Variants in NICN1 observed in about 807,000 individuals in gnomAD.
NICN1 encodes the protein nicolin 1, tubulin polyglutamylase complex subunit.
NICN1 carries 18 observed loss-of-function variants against 26.3 expected under a neutral mutation model. That is an observed-to-expected ratio of 0.68 (90% CI 0.47 to 1.01). The LOEUF (loss-of-function observed/expected upper bound fraction) is 1.01. Ranked by LOEUF, NICN1 falls within the 50% of genes least tolerant of loss-of-function variation. NICN1 has a pLI of 0.00. For missense variants in NICN1, 239 were observed against 278.3 expected (o/e 0.86, Z 1.00); for synonymous variants, 109 against 111.0 (o/e 0.98, Z 0.11).
chr3:49,425,446 G>A lies in NICN1; in HGVS notation c.424-8C>T. The A allele has an allele frequency of 2.5e-6, 4 of 1,607,262 alleles. No individual in the cohort carries two copies. Among genetic ancestry groups the A allele is most frequent in the Non-Finnish European group, 3.4e-6 (4 of 1,176,990 alleles). ...AAAGGTCACGGAGGGGCTCTGCAAA[G>A]CAAAGATGTACTGCCCTGAGTGAGA... On this transcript the variant is annotated splice_polypyrimidine_tract_variant and splice_region_variant and intron_variant, in intron 3 of 5. Transcript: ENST00000273598.
intron 1 of NICN1, among the ~76,000 whole-genome samples, chr3:49,428,862 C>G (rs1192619217): frequency 2.0e-5 from 3 of 152,144 alleles, no homozygotes; most frequent in African/African-American, 7.2e-5. Context: ...CTAGCCCACT[C>G]TCGCCACCTG....
chr3:49,426,050 TC>T lies in NICN1; in HGVS notation c.310-55del, dbSNP rs1185305287. 3.1e-6 allele frequency: 4 copies of T among 1,294,250 alleles called. No individual in the cohort carries two copies. The Admixed American group carries it at 7.5e-5, about 24-fold the overall frequency. The allele number at this position is 1,294,250 out of a possible 1,614,324, so 80.2% of individuals were successfully genotyped here. ...GGATCCAGCTCACTGCCCAGAAGCC[TC>T]CCAACCAGCAATGAGCCAGAATGCT... On this transcript the variant is annotated intron_variant, in intron 2 of 5. Transcript: ENST00000273598.
At chr3:49,424,901 G>C in intron 5 of NICN1, 27 bp from the exon 6 acceptor site, 2 of 1,612,874 alleles carry the variant, frequency 1.2e-6, no homozygotes, top group Non-Finnish European at 1.7e-6. Context: ...CATCAGGTCT[G>C]ATCTGCTCAG....
chr3:49,428,720 C>CA (rs1186104146), intron 1 of NICN1, among the ~76,000 whole-genome samples: 1,993 of 60,388 alleles, frequency 0.033, 28 homozygotes, highest in Middle Eastern at 0.054. Context: ...AACTCCGTCT[C>CA]AAAAAAAAAA....
At position 49,424,680 on chromosome 3, in the gene NICN1, C is replaced by G. The variant is rs2049156261; in HGVS notation, c.*153G>C. Reference sequence around the variant, plus strand: ...GCTCATGCTGAAGTAACACGGTAAGCCCCTGAGAATCCTGAATCTGTGAAT... The same window carrying G: ...GCTCATGCTGAAGTAACACGGTAAGGCCCTGAGAATCCTGAATCTGTGAAT... On this transcript the variant is annotated 3_prime_UTR_variant, in exon 6 of 6. Transcript: ENST00000273598. 1.4e-6 allele frequency: 1 copy of G among 699,278 alleles called. No homozygotes were observed. Among genetic ancestry groups the G allele is most frequent in the Non-Finnish European group, 2.6e-6 (1 of 387,216 alleles). The allele number at this position is 699,278 out of a possible 1,614,324, so 43.3% of individuals were successfully genotyped here.
intron 1 of NICN1, among the ~76,000 whole-genome samples, chr3:49,427,866 A>G (rs1252142085): frequency 6.6e-6 from 1 of 152,086 alleles, no homozygotes; most frequent in Non-Finnish European, 1.5e-5. Flanking sequence ...AGGATTTCCA[A>G]GGTTGGGCTC....
rs1282582952 is a variant in NICN1, at chr3:49,424,506, G to A, written c.*327C>T. The A allele has an allele frequency of 4.0e-6, 2 of 503,902 alleles. No individual in the cohort carries two copies. The highest frequency in any genetic ancestry group is 3.3e-5 in the Admixed American group (1 of 30,148). The allele number at this position is 503,902 out of a possible 1,614,324, so 31.2% of individuals were successfully genotyped here. A position where few individuals can be genotyped will look rare whatever the true frequency, so the allele number is the denominator to read the frequency against. ...CCAGCCCAACTGCACTGACATGAGG[G>A]AGCAGGCAGAAGACAGGAATGTGCA... On this transcript the variant is annotated 3_prime_UTR_variant, in exon 6 of 6. Transcript: ENST00000273598.
intron 4 of NICN1, 96 bp from the exon 5 acceptor site, chr3:49,425,149 G>A (rs918074657): frequency 2.8e-5 from 28 of 1,006,018 alleles, no homozygotes; most frequent in Non-Finnish European, 3.9e-5. Context: ...CCCTCCAGCT[G>A]AGACCAACAA....
At chr3:49,426,521 C>A in intron 1 of NICN1, 93 bp from the exon 2 acceptor site, 1 of 923,376 alleles carries the variant, frequency 1.1e-6, no homozygotes, top group East Asian at 2.5e-5. Flanking sequence ...TCCTTCTCCC[C>A]ACCTTTTCTT....
Position 49,425,065 on chromosome 3 carries a change from G to T in NICN1, c.496-12C>A, listed in dbSNP as rs776146720. 2 of 1,608,480 alleles carry T rather than the reference G, an allele frequency of 1.2e-6. No homozygotes were observed. Among genetic ancestry groups the T allele is most frequent in the Non-Finnish European group, 1.7e-6 (2 of 1,175,108 alleles). On this transcript the variant is annotated splice_polypyrimidine_tract_variant and intron_variant, in intron 4 of 5. Coordinates refer to ENST00000273598, the MANE Select transcript of NICN1 (RefSeq NM_032316.3). ...GGGTCTGGGAGACCCTGCTCCAGAA[G>T]GAGGGGTCAGTGGCCATGGGTCTCT...
Position 49,426,446 on chromosome 3 carries a change from C to A in NICN1, c.133-18G>T. 6.2e-7 allele frequency: 1 copy of A among 1,611,132 alleles called. No individual in the cohort carries two copies. The highest frequency in any genetic ancestry group is 1.1e-5 in the South Asian group (1 of 90,848). On this transcript the variant is annotated intron_variant, in intron 1 of 5. Transcript: ENST00000273598. ...TCCTGCAACTAGAACACATACAACCCATTACAACAAGTCAGACCCAGGCCC... is the reference window on the plus strand; with the variant it reads ...TCCTGCAACTAGAACACATACAACCAATTACAACAAGTCAGACCCAGGCCC...
chr3:49,427,506 G>A (rs1274796316), intron 1 of NICN1, among the ~76,000 whole-genome samples: 1 of 151,262 alleles, frequency 6.6e-6, no homozygotes, highest in Non-Finnish European at 1.5e-5. Context: ...AGCTGAGCGT[G>A]GTGGCGCATG....
At chr3:49,427,087 C>T (rs367937672) in intron 1 of NICN1, among the ~76,000 whole-genome samples, 25 of 151,866 alleles carry the variant, frequency 1.6e-4, no homozygotes, top group East Asian at 9.7e-4. Context: ...TTTCGGAGGC[C>T]GAGGCGGGCG....
In NICN1 at chr3:49,426,295, CTG is replaced by C. The variant is rs2049169501; in HGVS notation, c.264_265del (p.His88GlnfsTer2). The C allele has an allele frequency of 6.2e-7, 1 of 1,614,252 alleles. No individual in the cohort carries two copies. Among genetic ancestry groups the C allele is most frequent in the Non-Finnish European group, 8.5e-7 (1 of 1,180,054 alleles). ...TACATACTCCTGGGCTCCCTCCTCA[CTG>C]TGTGGGTCAGGCATTAGGCAGTAGT... is the stretch of plus-strand genomic sequence containing the variant. On this transcript the variant is annotated frameshift_variant, in exon 2 of 6. Transcript: ENST00000273598. LOFTEE classifies it high-confidence loss of function.
rs1001144470 is a variant in NICN1, at chr3:49,422,591, A to T, written c.*2242T>A. 1 of 916,656 alleles carries T rather than the reference A, an allele frequency of 1.1e-6. No individual in the cohort carries two copies. The highest frequency in any genetic ancestry group is 2.6e-5 in the East Asian group (1 of 38,084). The allele number at this position is 916,656 out of a possible 1,614,324, so 56.8% of individuals were successfully genotyped here. A position where few individuals can be genotyped will look rare whatever the true frequency, so the allele number is the denominator to read the frequency against. The stretch of plus-strand genomic sequence containing the variant: ...AGGGGGCGTGGGCAGCCCCAAGGGC[A>T]GGCTGGGATTTAGAGCAGAGAATGC... On this transcript the variant is annotated 3_prime_UTR_variant, in exon 6 of 6. Transcript: ENST00000273598.
At position 49,429,095 on chromosome 3, in the gene NICN1, C is replaced by G. The variant is rs772287234; in HGVS notation, c.132+13G>C. On this transcript the variant is annotated intron_variant, in intron 1 of 5. Transcript: ENST00000273598. ...GCCCGGGAGCCTCGGTCGCGCCCAC[C>G]AGGCTTGCTCACCTCGAAGGGAGCG... 1 of 1,589,710 alleles carries G rather than the reference C, an allele frequency of 6.3e-7. No individual in the cohort carries two copies. Among genetic ancestry groups the G allele is most frequent in the Non-Finnish European group, 8.6e-7 (1 of 1,167,734 alleles).
Position 49,424,616 on chromosome 3 carries a change from GT to G in NICN1, c.*216del, listed in dbSNP as rs2049155659. 3 of 607,920 alleles carry G rather than the reference GT, an allele frequency of 4.9e-6. No homozygotes were observed. Among genetic ancestry groups the G allele is most frequent in the African/African-American group, 3.7e-5 (2 of 54,128 alleles). 37.7% of individuals were successfully genotyped at this position (607,920 alleles called of 1,614,324 possible). ...GTTTTTGGGTAGAAGGAAGAATTGAGTTGCAGCCAGGCGAAGACAGAGCACC... is the reference window on the plus strand; with the variant it reads ...GTTTTTGGGTAGAAGGAAGAATTGAGTGCAGCCAGGCGAAGACAGAGCACC... On this transcript the variant is annotated 3_prime_UTR_variant, in exon 6 of 6. Coordinates refer to ENST00000273598, the MANE Select transcript of NICN1 (RefSeq NM_032316.3).
At chr3:49,427,434 A>G (rs2049182999) in intron 1 of NICN1, among the ~76,000 whole-genome samples, 1 of 151,914 alleles carries the variant, frequency 6.6e-6, no homozygotes, top group African/African-American at 2.4e-5. Flanking sequence ...TAAGTTCAGG[A>G]GTTCGAGACC....
intron 3 of NICN1, among the ~76,000 whole-genome samples, 196 bp downstream of exon 3, chr3:49,425,687 C>T (rs886288728): frequency 6.6e-6 from 1 of 152,204 alleles, no homozygotes; most frequent in African/African-American, 2.4e-5. Context: ...CTGAAAGTAG[C>T]AGGTGGCCCC....
Sources: allele counts gnomAD v4.1 joint callset (sites outside exome capture counted in the v4.1 genomes callset), GRCh38; gene constraint gnomAD v4.1.1; transcripts MANE v1.5; gene names NCBI Gene and HGNC (gene_info 2026-07-23, HGNC 2026-07-21).